Variants in SNX3 observed in about 807,000 individuals in gnomAD.
SNX3 encodes the protein sorting nexin 3.
In SNX3, 5 loss-of-function variants were observed where a neutral mutation model predicts 17.7. The ratio of observed to expected loss-of-function variants is 0.28; its 90% CI spans 0.15 to 0.59. SNX3 has a LOEUF of 0.59. Among genes scored for constraint, SNX3 ranks in the 20% least tolerant of loss-of-function variants. SNX3 has a pLI of 0.88. For missense variants in SNX3, 132 were observed against 206.8 expected (o/e 0.64, Z 2.22); for synonymous variants, 91 against 76.5 (o/e 1.19, Z -0.99).
chr6:108,260,695 G>T (rs1776164952), intron 1 of SNX3, 65 bp downstream of exon 1: 6 of 1,580,168 alleles, frequency 3.8e-6, no homozygotes, highest in African/African-American at 1.4e-5. Context: ...TCCACTCCCG[G>T]GTCGAGTGGG....
chr6:108,213,403 G>C (rs983860879), intron 3 of SNX3, among the ~76,000 whole-genome samples: 14 of 152,042 alleles, frequency 9.2e-5, no homozygotes, highest in African/African-American at 3.1e-4. Flanking sequence ...TGTAATCCCA[G>C]CACTTTGGGA....
chr6:108,247,294 G>A (rs940998712), intron 1 of SNX3, among the ~76,000 whole-genome samples: 1 of 152,030 alleles, frequency 6.6e-6, no homozygotes, highest in African/African-American at 2.4e-5. Context: ...TTATAGCAGT[G>A]TGAAAATGGA....
intron 2 of SNX3, among the ~76,000 whole-genome samples, chr6:108,219,358 C>A (rs1774684640): frequency 6.6e-6 from 1 of 152,226 alleles, no homozygotes. Flanking sequence ...GTAATCCCAG[C>A]ACTTTGGGAG....
intron 2 of SNX3, among the ~76,000 whole-genome samples, chr6:108,214,887 C>A (rs1017704908): frequency 6.6e-6 from 1 of 152,170 alleles, no homozygotes; most frequent in African/African-American, 2.4e-5. Flanking sequence ...CCCAGGTATA[C>A]AAAGAGAACA....
At chr6:108,258,164 A>T (rs1024451667) in intron 1 of SNX3, among the ~76,000 whole-genome samples, 1 of 151,822 alleles carries the variant, frequency 6.6e-6, no homozygotes, top group Admixed American at 6.6e-5. Context: ...CGTTCTTAAA[A>T]AAGATTATTT....
At chr6:108,242,602 C>T (rs1186609035) in intron 1 of SNX3, among the ~76,000 whole-genome samples, 3 of 152,172 alleles carry the variant, frequency 2.0e-5, no homozygotes, top group African/African-American at 7.2e-5. Context: ...AAAATTGCCA[C>T]CCCTTGGCAT....
At chr6:108,256,011 C>T (rs920445478) in intron 1 of SNX3, among the ~76,000 whole-genome samples, 8 of 152,166 alleles carry the variant, frequency 5.3e-5, no homozygotes, top group African/African-American at 1.9e-4. Flanking sequence ...GGGAGTATCA[C>T]TTGAGCCCAG....
At chr6:108,257,446 G>C (rs1265598533) in intron 1 of SNX3, among the ~76,000 whole-genome samples, 1 of 152,164 alleles carries the variant, frequency 6.6e-6, no homozygotes, top group Non-Finnish European at 1.5e-5. Flanking sequence ...CCTCGAGTTT[G>C]AGAATGCAGT....
chr6:108,219,184 A>C (rs111848224), intron 2 of SNX3, among the ~76,000 whole-genome samples: 10,162 of 151,948 alleles, frequency 0.067, 1,176 homozygotes, highest in African/African-American at 0.23. Flanking sequence ...CCCCGTCTCT[A>C]CTAAAAATTT....
At chr6:108,241,408 T>G (rs1174671917) in intron 1 of SNX3, among the ~76,000 whole-genome samples, 1 of 151,922 alleles carries the variant, frequency 6.6e-6, no homozygotes, top group Non-Finnish European at 1.5e-5. Context: ...GTAATCCTAG[T>G]ACTTTGGGAG....
chr6:108,227,708 C>T (rs1775016914), intron 1 of SNX3, among the ~76,000 whole-genome samples: 1 of 152,154 alleles, frequency 6.6e-6, no homozygotes, highest in African/African-American at 2.4e-5. Context: ...ACATCACTTG[C>T]CCATTACATA....
rs546820611 is a variant in SNX3, at chr6:108,231,174, G to A, written c.163-8129C>T. Reference sequence around the variant, plus strand: ...GGCTGGAGTGCAATGGCGCGATGTCGGCTCACTGCAACCTCCGCCTCCTGC... The same window carrying A: ...GGCTGGAGTGCAATGGCGCGATGTCAGCTCACTGCAACCTCCGCCTCCTGC... On this transcript the variant is annotated intron_variant, in intron 1 of 3. Transcript: ENST00000230085. Among the ~76,000 whole-genome samples, 13 of 151,552 alleles carry A rather than the reference G, an allele frequency of 8.6e-5. 1 individual carries two copies. The highest frequency in any genetic ancestry group is 2.9e-4 in the African/African-American group (12 of 41,314).
At chr6:108,214,095 C>T (rs1482733132) in intron 3 of SNX3, among the ~76,000 whole-genome samples, 1 of 152,100 alleles carries the variant, frequency 6.6e-6, no homozygotes, top group Non-Finnish European at 1.5e-5. Context: ...AAACATGCAC[C>T]TTTATACAAG....
intron 1 of SNX3, among the ~76,000 whole-genome samples, chr6:108,237,158 A>G (rs945538757): frequency 4.6e-5 from 7 of 152,220 alleles, no homozygotes; most frequent in African/African-American, 1.7e-4. Flanking sequence ...TCTGGCTACT[A>G]TATCTTCTTT....
At chr6:108,244,240 C>T (rs537530668) in intron 1 of SNX3, among the ~76,000 whole-genome samples, 17 of 152,222 alleles carry the variant, frequency 1.1e-4, no homozygotes, top group Admixed American at 7.9e-4. Flanking sequence ...ACTGCAACCT[C>T]GACCTCCTGG....
chr6:108,252,938 C>G (rs753676022), intron 1 of SNX3, among the ~76,000 whole-genome samples: 4 of 152,052 alleles, frequency 2.6e-5, no homozygotes, highest in African/African-American at 9.7e-5. Context: ...ACACCCGGCC[C>G]TAAGAATAAA....
chr6:108,214,678 T>C lies in SNX3; in HGVS notation c.259-56A>G, dbSNP rs1477900622. 4 of 1,569,602 alleles carry C rather than the reference T, an allele frequency of 2.5e-6. No homozygotes were observed. The South Asian group carries it at 3.5e-5, about 14-fold the overall frequency. The stretch of plus-strand genomic sequence containing the variant: ...ATGATGACTGGGTTGTGAAAATTTA[T>C]AGAGCACAACATGAAGACAAAGCAT... On this transcript the variant is annotated intron_variant, in intron 2 of 3. Coordinates refer to ENST00000230085, the MANE Select transcript of SNX3 (RefSeq NM_003795.6).
intron 1 of SNX3, among the ~76,000 whole-genome samples, chr6:108,235,444 A>G (rs542927938): frequency 1.4e-4 from 21 of 152,248 alleles, no homozygotes; most frequent in Non-Finnish European, 2.4e-4. Context: ...TAATGAAGTG[A>G]ATGTTTAATT....
chr6:108,229,375 C>T (rs1775069937), intron 1 of SNX3, among the ~76,000 whole-genome samples: 1 of 151,298 alleles, frequency 6.6e-6, no homozygotes, highest in African/African-American at 2.4e-5. Flanking sequence ...TTCATTCATT[C>T]TTTCCCCTCC....
Sources: allele counts gnomAD v4.1 joint callset (sites outside exome capture counted in the v4.1 genomes callset), GRCh38; gene constraint gnomAD v4.1.1; transcripts MANE v1.5; gene names NCBI Gene and HGNC (gene_info 2026-07-23, HGNC 2026-07-21).